The following MRRF variants were observed in gnomAD, a reference collection of about 807,000 sequenced individuals.
The protein encoded by MRRF is ribosome-recycling factor, mitochondrial.
MRRF carries 18 observed loss-of-function variants against 25.1 expected under a neutral mutation model. That is an observed-to-expected ratio of 0.72 (90% CI 0.50 to 1.06). The LOEUF is 1.06. MRRF is among the 50% of genes least tolerant of loss of function. The probability of loss-of-function intolerance (pLI) is 0.00; values close to 1 mark genes in which losing one functional copy is unlikely to be tolerated. For synonymous variants in MRRF, 113 were observed against 112.1 expected, an observed-to-expected ratio of 1.01 and a Z score of -0.05; for missense variants, 323 against 319.3, an observed-to-expected ratio of 1.01 and a Z score of -0.09.
intron 5 of MRRF, among the ~76,000 whole-genome samples, chr9:122,310,454 A>G (rs1418839591): frequency 6.6e-6 from 1 of 152,236 alleles, no homozygotes; most frequent in African/African-American, 2.4e-5. Flanking sequence ...TACATCTCCC[A>G]CTGTGCTTCC....
At chr9:122,269,581 G>T (rs183479399) in intron 1 of MRRF, among the ~76,000 whole-genome samples, 1 of 151,990 alleles carries the variant, frequency 6.6e-6, no homozygotes, top group Non-Finnish European at 1.5e-5. Context: ...AAAAAAATTC[G>T]CTGGGCATGG....
intron 2 of MRRF, among the ~76,000 whole-genome samples, chr9:122,273,684 C>T (rs1832604151): frequency 1.3e-5 from 2 of 152,136 alleles, no homozygotes; most frequent in Admixed American, 6.5e-5. Flanking sequence ...GTTTTCCAAA[C>T]TTACCACATG....
At chr9:122,303,992 TCACA>T (rs572100836) in intron 5 of MRRF, among the ~76,000 whole-genome samples, 6 of 150,080 alleles carry the variant, frequency 4.0e-5, no homozygotes, top group East Asian at 3.9e-4. Flanking sequence ...CTTTTCTACA[TCACA>T]CACACACACA....
intron 1 of MRRF, chr9:122,265,591 C>T (rs986329447): frequency 1.5e-5 from 6 of 389,472 alleles, no homozygotes; most frequent in Admixed American, 6.7e-5. Context: ...TGCATTTCCC[C>T]CCATTTTGGA....
At chr9:122,289,613 G>A (rs1479943229) in intron 4 of MRRF, among the ~76,000 whole-genome samples, 1 of 150,854 alleles carries the variant, frequency 6.6e-6, no homozygotes, top group African/African-American at 2.4e-5. Context: ...TTTTTTTTAA[G>A]GAAGATGGCA....
chr9:122,302,902 G>A (rs952273047), intron 5 of MRRF, among the ~76,000 whole-genome samples: 2 of 152,180 alleles, frequency 1.3e-5, no homozygotes, highest in African/African-American at 4.8e-5. Context: ...CCTAGAGGCT[G>A]TGGAGTGGTA....
chr9:122,305,346 G>C lies in MRRF; in HGVS notation c.552-7881G>C, dbSNP rs150215499. Among the ~76,000 whole-genome samples the C allele has an allele frequency of 3.8e-4, 57 of 151,422 alleles. No homozygotes were observed. The East Asian group carries it at 0.01, about 27-fold the overall frequency. On this transcript the variant is annotated intron_variant, in intron 5 of 6. Transcript: ENST00000344641. ...GAATCACTTGAACCTGGGAGGCAGA[G>C]GTTTGCAGTGAGCCGAGATTATGCC...
At chr9:122,294,787 A>T (rs1833983515) in intron 5 of MRRF, among the ~76,000 whole-genome samples, 1 of 152,230 alleles carries the variant, frequency 6.6e-6, no homozygotes, top group African/African-American at 2.4e-5. Context: ...CATAATGATA[A>T]GCAGAGATGT....
In MRRF at chr9:122,319,299, C is replaced by T. The variant is rs375733431; in HGVS notation, c.712-3241C>T. 1.4e-4 allele frequency among the ~76,000 whole-genome samples: 22 copies of T among 152,022 alleles called. No homozygotes were observed. The South Asian group carries it at 3.5e-3, about 24-fold the overall frequency. On this transcript the variant is annotated intron_variant, in intron 6 of 6. Transcript: ENST00000344641. ...CCCAGTAGCTGGGACTACAGGCTCC[C>T]GCCACCATGCCCGGCTAATTTTTTG...
intron 1 of MRRF, among the ~76,000 whole-genome samples, chr9:122,268,988 A>G (rs907658631): frequency 3.9e-5 from 6 of 151,910 alleles, no homozygotes; most frequent in Admixed American, 6.6e-5. Context: ...ACAAGGTGAA[A>G]CCCCGTCTCT....
chr9:122,266,807 T>C (rs1587992636), intron 1 of MRRF, among the ~76,000 whole-genome samples: 1 of 152,156 alleles, frequency 6.6e-6, no homozygotes, highest in African/African-American at 2.4e-5. Flanking sequence ...TAAAAAAATA[T>C]TTCAGTCTGT....
At chr9:122,298,001 A>T (rs899025361) in intron 5 of MRRF, among the ~76,000 whole-genome samples, 1 of 152,170 alleles carries the variant, frequency 6.6e-6, no homozygotes, top group Non-Finnish European at 1.5e-5. Flanking sequence ...TCTATACTCT[A>T]TGATTGAACT....
chr9:122,306,278 T>C (rs1588068647), intron 5 of MRRF, among the ~76,000 whole-genome samples: 1 of 152,234 alleles, frequency 6.6e-6, no homozygotes, highest in East Asian at 1.9e-4. Context: ...CTCATCCCCC[T>C]GCACTTGACA....
At chr9:122,288,136 T>C (rs1428613272) in intron 4 of MRRF, among the ~76,000 whole-genome samples, 2 of 152,062 alleles carry the variant, frequency 1.3e-5, no homozygotes, top group Non-Finnish European at 2.9e-5. Flanking sequence ...ATGATACACA[T>C]AGTTGCTGCC....
chr9:122,291,333 C>T (rs1029022687), intron 4 of MRRF, among the ~76,000 whole-genome samples: 2 of 152,144 alleles, frequency 1.3e-5, no homozygotes, highest in Non-Finnish European at 2.9e-5. Context: ...CATTCCAAAT[C>T]GGCACTGGTA....
At chr9:122,303,992 T>TCACA (rs572100836) in intron 5 of MRRF, among the ~76,000 whole-genome samples, 2 of 149,974 alleles carry the variant, frequency 1.3e-5, no homozygotes, top group African/African-American at 4.9e-5. Context: ...CTTTTCTACA[T>TCACA]CACACACACA....
chr9:122,319,254 T>G (rs1279053531), intron 6 of MRRF, among the ~76,000 whole-genome samples: 2 of 150,996 alleles, frequency 1.3e-5, no homozygotes, highest in African/African-American at 4.9e-5. Flanking sequence ...GGGTTCACGC[T>G]GTTCTCCTGC....
intron 6 of MRRF, among the ~76,000 whole-genome samples, chr9:122,319,835 G>A (rs751348110): frequency 1.3e-5 from 2 of 150,624 alleles, no homozygotes; most frequent in Admixed American, 1.3e-4. Flanking sequence ...AACACCTTAT[G>A]CTTGTACTAT....
chr9:122,322,581 G>A lies in MRRF; in HGVS notation c.753G>A (p.Arg251=). The A allele has an allele frequency of 6.2e-7, 1 of 1,614,132 alleles. No individual in the cohort carries two copies. The highest frequency in any genetic ancestry group is 8.5e-7 in the Non-Finnish European group (1 of 1,180,030). The change falls in exon 7 of 7, where the codon AGG becomes AGA. Residue 251 remains arginine, a synonymous_variant. Transcript: ENST00000344641. ...MADDTVAELD[R]HLAVKTKELL... is the part of the protein sequence containing the mutation. ...ATGACACAGTGGCAGAACTGGACAG[G>A]CATCTGGCAGTGAAGACCAAAGAAC...
Sources: allele counts gnomAD v4.1 joint callset (sites outside exome capture counted in the v4.1 genomes callset), GRCh38; gene constraint gnomAD v4.1.1; transcripts MANE v1.5; gene names NCBI Gene and HGNC (gene_info 2026-07-23, HGNC 2026-07-21).